PCNT: variants seen among roughly 807,000 people sequenced by gnomAD.
PCNT encodes pericentrin, also known as kendrin.
A neutral mutation model predicts 380.4 loss-of-function variants in PCNT; 319 were observed. The ratio of observed to expected loss-of-function variants is 0.84; its 90% CI spans 0.77 to 0.92. PCNT has a LOEUF of 0.92. Ranked by LOEUF, PCNT falls within the 40% of genes least tolerant of loss-of-function variation. The pLI is 0.00. For synonymous variants in PCNT, 1,845 were observed against 1,735.2 expected, an observed-to-expected ratio of 1.06 and a Z score of -1.57; for missense variants, 4,400 against 4,255.3, an observed-to-expected ratio of 1.03 and a Z score of -0.95.
Position 46,416,846 on chromosome 21 carries a change from G to A in PCNT, c.6921+7G>A, listed in dbSNP as rs768767195. ...TGTGCAGAGGACGGCTGTGGTAGGTGCCTGCTCTGCTCCCAGGCCTGCTGT... is the reference window on the plus strand; with the variant it reads ...TGTGCAGAGGACGGCTGTGGTAGGTACCTGCTCTGCTCCCAGGCCTGCTGT... On this transcript the variant is annotated splice_region_variant and intron_variant, in intron 30 of 46. Coordinates refer to ENST00000359568, the MANE Select transcript of PCNT (RefSeq NM_006031.6). 1.3e-6 allele frequency: 2 copies of A among 1,597,074 alleles called. No individual in the cohort carries two copies. Among genetic ancestry groups the A allele is most frequent in the South Asian group, 2.2e-5 (2 of 91,000 alleles).
At position 46,397,441 on chromosome 21, in the gene PCNT, C is replaced by A; in HGVS notation, c.4393C>A (p.Gln1465Lys). Reference sequence around the variant, plus strand: ...GGCGGAGGCCGTCACTGCCCTGGAACAGCAGGTGGCATCTCTGGACAAGCA... The same window carrying A: ...GGCGGAGGCCGTCACTGCCCTGGAAAAGCAGGTGGCATCTCTGGACAAGCA... ...KQAEAVTALE[Q>K]QVASLDKHLR... The change falls in exon 22 of 47, where the codon CAG becomes AAG. Residue 1465 changes from glutamine to lysine, a missense_variant. Coordinates refer to ENST00000359568, the MANE Select transcript of PCNT (RefSeq NM_006031.6). 6.2e-7 allele frequency: 1 copy of A among 1,614,236 alleles called. No individual in the cohort carries two copies. Among genetic ancestry groups the A allele is most frequent in the Non-Finnish European group, 8.5e-7 (1 of 1,180,040 alleles).
chr21:46,327,550 G>A (rs1053725121), intron 2 of PCNT, among the ~76,000 whole-genome samples: 1 of 152,254 alleles, frequency 6.6e-6, no homozygotes, highest in African/African-American at 2.4e-5. Context: ...ATAGGCATGA[G>A]CCACTGCGCC....
Position 46,411,326 on chromosome 21 carries a change from C to T in PCNT, c.5253C>T (p.His1751=), listed in dbSNP as rs114799541. ...ATGAAGTCATTGAGAAGCTGCAGCACGAGCTGTCCCTCATGGGGCCTGTGG... is the reference window on the plus strand; with the variant it reads ...ATGAAGTCATTGAGAAGCTGCAGCATGAGCTGTCCCTCATGGGGCCTGTGG... ...QLHEVIEKLQ[H]ELSLMGPVVH... The change falls in exon 28 of 47, where the codon CAC becomes CAT. Residue 1751 remains histidine, a synonymous_variant. Coordinates refer to ENST00000359568, the MANE Select transcript of PCNT (RefSeq NM_006031.6). The T allele has an allele frequency of 1.9e-5, 30 of 1,614,084 alleles. No homozygotes were observed. The African/African-American group carries it at 2.5e-4, about 14-fold the overall frequency.
At chr21:46,355,234 T>C (rs559974317) in intron 11 of PCNT, among the ~76,000 whole-genome samples, 5 of 152,336 alleles carry the variant, frequency 3.3e-5, no homozygotes, top group African/African-American at 1.2e-4. Flanking sequence ...AATTCTTGTA[T>C]GTCTTCCGGA....
At chr21:46,415,850 T>C (rs2087006319) in intron 29 of PCNT, among the ~76,000 whole-genome samples, 1 of 152,184 alleles carries the variant, frequency 6.6e-6, no homozygotes. Context: ...GTGTCCTCAA[T>C]CACCGCAGAA....
At chr21:46,427,905 C>A in intron 34 of PCNT, 110 bp downstream of exon 34, 1 of 1,223,308 alleles carries the variant, frequency 8.2e-7, no homozygotes, top group Non-Finnish European at 1.2e-6. Flanking sequence ...GTGTTTCTCT[C>A]GACCGCTGGA....
rs2084202896 is a variant in PCNT at position 46,349,834 on chromosome 21, T to G, written c.1344+14T>G. On this transcript the variant is annotated intron_variant, in intron 8 of 46. Transcript: ENST00000359568. ...AAACAGCTGGAGGTGGGCAGCAGCT[T>G]CGTTATTTAATTACTTGGTATATTA... The G allele has an allele frequency of 6.2e-7, 1 of 1,613,236 alleles. No homozygotes were observed. Among genetic ancestry groups the G allele is most frequent in the East Asian group, 2.2e-5 (1 of 44,886 alleles).
chr21:46,378,083 G>T (rs1020391494), intron 15 of PCNT, among the ~76,000 whole-genome samples: 17 of 152,028 alleles, frequency 1.1e-4, no homozygotes, highest in Non-Finnish European at 1.2e-4. Flanking sequence ...TGCCCTTTTT[G>T]TTCTGTATTC....
intron 41 of PCNT, among the ~76,000 whole-genome samples, chr21:46,439,098 A>T (rs906829232): frequency 1.4e-4 from 22 of 152,166 alleles, no homozygotes; most frequent in Non-Finnish European, 2.4e-4. Context: ...CTTTTTAAAA[A>T]TTATTTTTAA....
In PCNT at chr21:46,363,823, C is replaced by A. The variant is rs758576289; in HGVS notation, c.2498C>A (p.Ala833Asp). 6.2e-7 allele frequency: 1 copy of A among 1,612,494 alleles called. No individual in the cohort carries two copies. The highest frequency in any genetic ancestry group is 8.5e-7 in the Non-Finnish European group (1 of 1,179,148). ...QLEQDLTSDD[A>D]LHCSQCGREP... ...GAACAGGACCTCACTTCAGACGACG[C>A]CCTGCATTGCAGCCAGTGTGGGCGG... Residue 833 changes from alanine to aspartate, a missense_variant, in exon 14 of 47, where the codon GCC becomes GAC. Transcript: ENST00000359568.
intron 1 of PCNT, among the ~76,000 whole-genome samples, chr21:46,325,751 C>A (rs1569151976): frequency 6.6e-6 from 1 of 152,218 alleles, no homozygotes. Context: ...GAGGCTCGCA[C>A]ATAGTCTCAA....
At chr21:46,426,806 C>T (rs752258170) in intron 33 of PCNT, among the ~76,000 whole-genome samples, 25 of 152,322 alleles carry the variant, frequency 1.6e-4, no homozygotes, top group Admixed American at 4.6e-4. Context: ...ACTCCCATCA[C>T]GCTCCCTCCC....
intron 16 of PCNT, 34 bp downstream of exon 16, chr21:46,381,874 C>T (rs374511493): frequency 1.9e-5 from 31 of 1,609,572 alleles, no homozygotes; most frequent in African/African-American, 1.5e-4. Context: ...TGTGATAAGA[C>T]GTGTATAGCA....
intron 14 of PCNT, among the ~76,000 whole-genome samples, chr21:46,365,086 C>T (rs2084851823): frequency 6.6e-6 from 1 of 152,172 alleles, no homozygotes; most frequent in Admixed American, 6.5e-5. Flanking sequence ...GCCGCCTGCA[C>T]CTCCTTAATT....
At chr21:46,422,379 G>A (rs948611977) in intron 32 of PCNT, among the ~76,000 whole-genome samples, 1 of 152,208 alleles carries the variant, frequency 6.6e-6, no homozygotes, top group African/African-American at 2.4e-5. Flanking sequence ...CCGTGGGCAG[G>A]TGGTGTTGCC....
chr21:46,367,182 C>T (rs777551596), intron 15 of PCNT, 43 bp downstream of exon 15: 3 of 1,541,272 alleles, frequency 1.9e-6, no homozygotes, highest in African/African-American at 2.7e-5. Context: ...CAGGCCTCTC[C>T]TCGCTGCCTG....
At chr21:46,429,976 TG>T (rs781509213) in intron 35 of PCNT, 33 bp from the exon 36 acceptor site, 2 of 1,569,862 alleles carry the variant, frequency 1.3e-6, no homozygotes, top group South Asian at 2.2e-5. Context: ...GAGGAGCTCA[TG>T]GGGGCCTGTT....
intron 24 of PCNT, among the ~76,000 whole-genome samples, chr21:46,398,562 T>C (rs1374463358): frequency 6.6e-6 from 1 of 152,258 alleles, no homozygotes; most frequent in East Asian, 1.9e-4. Flanking sequence ...CTGGTGACGC[T>C]GCAGTGCCTT....
chr21:46,429,150 G>C (rs1258545791), intron 35 of PCNT, among the ~76,000 whole-genome samples: 3 of 152,194 alleles, frequency 2.0e-5, no homozygotes, highest in African/African-American at 7.2e-5. Flanking sequence ...AAGGGGAACG[G>C]CCTTGCAGTT....
Sources: allele counts gnomAD v4.1 joint callset (sites outside exome capture counted in the v4.1 genomes callset), GRCh38; gene constraint gnomAD v4.1.1; transcripts MANE v1.5; gene names NCBI Gene and HGNC (gene_info 2026-07-23, HGNC 2026-07-21).